Variants in ERCC6L2 observed in about 807,000 individuals in gnomAD.
ERCC6L2 encodes DNA excision repair protein ERCC-6-like 2.
A neutral mutation model predicts 132.0 loss-of-function variants in ERCC6L2; 77 were observed. That is an observed-to-expected ratio of 0.58 (90% CI 0.49 to 0.71). The LOEUF (loss-of-function observed/expected upper bound fraction) is 0.71, where lower values mean the gene tolerates loss of function less well. Ranked by LOEUF, ERCC6L2 falls within the 30% of genes least tolerant of loss-of-function variation. The pLI is 0.00. For missense variants in ERCC6L2, 1,542 were observed against 1,837.6 expected, an observed-to-expected ratio of 0.84 and a Z score of 2.94; for synonymous variants, 583 against 632.4, an observed-to-expected ratio of 0.92 and a Z score of 1.17.
downstream of ERCC6L2, chr9:96,021,113 A>G (rs1321244363): frequency 2.0e-5 from 8 of 407,380 alleles, no homozygotes; most frequent in Non-Finnish European, 3.9e-5. This position sits in a 1 kb window ranked among gnomAD's most constrained non-coding sequence, Gnocchi z 4.7. Flanking sequence ...CGCGCCCATT[A>G]CTCTCAGGCG....
At chr9:95,981,353 G>A (rs1382580313) in intron 17 of ERCC6L2, among the ~76,000 whole-genome samples, 1 of 152,028 alleles carries the variant, frequency 6.6e-6, no homozygotes, top group Non-Finnish European at 1.5e-5. Context: ...TCTTAAAAAG[G>A]AGTAAAATGT....
At chr9:95,973,635 G>A (rs531083815) in intron 16 of ERCC6L2, among the ~76,000 whole-genome samples, 27 of 152,036 alleles carry the variant, frequency 1.8e-4, no homozygotes, top group African/African-American at 5.3e-4. Flanking sequence ...AGACTTATTC[G>A]CTATCATGAG....
chr9:96,026,437 G>A (rs896434210), intron 19 of ERCC6L2, among the ~76,000 whole-genome samples: 1 of 152,126 alleles, frequency 6.6e-6, no homozygotes, highest in African/African-American at 2.4e-5. Context: ...GTGGGGCGGG[G>A]GTGGGGGAAG....
intron 17 of ERCC6L2, among the ~76,000 whole-genome samples, chr9:96,002,525 C>T (rs1833724752): frequency 6.6e-6 from 1 of 151,882 alleles, no homozygotes; most frequent in South Asian, 2.1e-4. Context: ...GGGCTCAAGC[C>T]ATCCTCCCAC....
intron 2 of ERCC6L2, among the ~76,000 whole-genome samples, chr9:95,883,809 G>C (rs1827723777): frequency 6.6e-6 from 1 of 152,214 alleles, no homozygotes; most frequent in African/African-American, 2.4e-5. Context: ...AGTAAGTCGA[G>C]ATTGTGCCAC....
chr9:96,029,303 C>CAAAAAAAA (rs201014094), intron 19 of ERCC6L2, among the ~76,000 whole-genome samples: 6 of 81,774 alleles, frequency 7.3e-5, no homozygotes, highest in South Asian at 5.1e-4. Context: ...GACTCCGTCT[C>CAAAAAAAA]AAAAAAAAAA....
At position 96,033,477 on chromosome 9, in the gene ERCC6L2, C is replaced by T. The variant is rs143529417; in HGVS notation, c.*1504-5399C>T. Among the ~76,000 whole-genome samples, 203 of 152,316 alleles carry T rather than the reference C, an allele frequency of 1.3e-3. 1 individual carries two copies. Among genetic ancestry groups the T allele is most frequent in the African/African-American group, 4.0e-3 (167 of 41,562 alleles). On this transcript the variant is annotated intron_variant and NMD_transcript_variant, in intron 19 of 20. Coordinates refer to the ERCC6L2 transcript ENST00000670016. ...GACCAGGCTGGTCTCGGACTCCTGA[C>T]CTCAGGTGATCCGCCTGCCTTGGCC...
At chr9:95,962,172 A>G (rs1207880504) in intron 13 of ERCC6L2, among the ~76,000 whole-genome samples, 1 of 152,192 alleles carries the variant, frequency 6.6e-6, no homozygotes, top group African/African-American at 2.4e-5. Flanking sequence ...CTCATAATCT[A>G]GAGATAGAAA....
rs571497807 is a variant in ERCC6L2 at position 95,881,479 on chromosome 9, A to G, written c.471+186A>G. 3.8e-4 allele frequency among the ~76,000 whole-genome samples: 58 copies of G among 152,294 alleles called. 1 individual carries two copies. Among genetic ancestry groups the G allele is most frequent in the Admixed American group, 8.5e-4 (13 of 15,284 alleles). On this transcript the variant is annotated intron_variant, in intron 2 of 18. Transcript: ENST00000653738. ...AGGACAATGTCTCAGTTATTTTATC[A>G]TTCTTCAGTACCTATGAAATATTTT...
chr9:95,991,897 G>A (rs1487772489), intron 17 of ERCC6L2, among the ~76,000 whole-genome samples: 1 of 152,090 alleles, frequency 6.6e-6, no homozygotes, highest in African/African-American at 2.4e-5. Context: ...TTTACTGAAA[G>A]GTTTCAGATT....
chr9:95,890,593 T>C (rs906951660), intron 2 of ERCC6L2, among the ~76,000 whole-genome samples: 2 of 152,136 alleles, frequency 1.3e-5, no homozygotes, highest in African/African-American at 4.8e-5. Context: ...CAAAAGCTAC[T>C]TTGTTTATTA....
At chr9:96,040,667 G>A (rs1281190260) in intron 20 of ERCC6L2, among the ~76,000 whole-genome samples, 4 of 152,230 alleles carry the variant, frequency 2.6e-5, no homozygotes, top group Non-Finnish European at 1.5e-5. Flanking sequence ...TGACTCTTAT[G>A]TCCGTATGCG....
rs369746575 is a variant in ERCC6L2, at chr9:95,978,655, C to G, written c.3492+440C>G. ...TATTTTTAGCAAAAGGGTTTTTATA[C>G]TGTTAAAAGTCATAAATACTTCCTA... On this transcript the variant is annotated intron_variant, in intron 17 of 18. Coordinates refer to ENST00000653738, the MANE Select transcript of ERCC6L2 (RefSeq NM_020207.7). Among the ~76,000 whole-genome samples, 8 of 152,268 alleles carry G rather than the reference C, an allele frequency of 5.3e-5. No homozygotes were observed. The Middle Eastern group carries it at 0.014, about 259-fold the overall frequency.
At chr9:95,895,730 T>C (rs1404160402) in intron 2 of ERCC6L2, among the ~76,000 whole-genome samples, 1 of 137,740 alleles carries the variant, frequency 7.3e-6, no homozygotes, top group African/African-American at 2.9e-5. Flanking sequence ...TGTCATAGCT[T>C]TTTTTTTTTT....
At chr9:95,961,505 A>G (rs1000148164) in intron 13 of ERCC6L2, among the ~76,000 whole-genome samples, 10 of 152,182 alleles carry the variant, frequency 6.6e-5, no homozygotes, top group African/African-American at 2.4e-4. Flanking sequence ...CTATTGTTGT[A>G]AGACATCCAA....
chr9:95,906,620 G>C (rs1368605123), intron 3 of ERCC6L2: 3 of 455,796 alleles, frequency 6.6e-6, no homozygotes, highest in Non-Finnish European at 1.3e-5. Context: ...GAGAGTATCT[G>C]AAAGAGGGGG....
intron 9 of ERCC6L2, among the ~76,000 whole-genome samples, chr9:95,926,610 G>A (rs1388818081): frequency 6.6e-6 from 1 of 152,166 alleles, no homozygotes; most frequent in African/African-American, 2.4e-5. Flanking sequence ...AACAGTGGTT[G>A]CTATGGGTTC....
At chr9:95,945,155 G>A (rs576482821) in intron 12 of ERCC6L2, among the ~76,000 whole-genome samples, 12 of 152,226 alleles carry the variant, frequency 7.9e-5, no homozygotes, top group South Asian at 4.2e-4. Context: ...AAAGACGGCC[G>A]CACCTGAAGC....
At chr9:96,002,338 T>C (rs13298929) in intron 17 of ERCC6L2, among the ~76,000 whole-genome samples, 1 of 152,174 alleles carries the variant, frequency 6.6e-6, no homozygotes, top group Non-Finnish European at 1.5e-5. Flanking sequence ...TTTTGTTTTG[T>C]TTTTTTCTCT....
Sources: gnomAD v4.1 joint callset for allele counts (sites outside exome capture counted in the v4.1 genomes callset) on GRCh38, gnomAD v4.1.1 for gene constraint, Gnocchi (gnomAD v3.1) non-coding constraint, MANE v1.5 for transcripts, NCBI Gene and HGNC (gene_info 2026-07-23, HGNC 2026-07-21) for gene names.